The following CELA3B variants were observed in gnomAD, a reference collection of about 807,000 sequenced individuals.
CELA3B encodes the protein chymotrypsin like elastase 3B.
CELA3B carries 34 observed loss-of-function variants against 37.2 expected under a neutral mutation model. The ratio of observed to expected loss-of-function variants is 0.91; its 90% confidence interval spans 0.70 to 1.22. The LOEUF is 1.22. Ranked by LOEUF, CELA3B falls within the 50% of genes most tolerant of loss-of-function variation. CELA3B has a pLI of 0.00. For synonymous variants in CELA3B, 127 were observed against 143.5 expected, an observed-to-expected ratio of 0.89 and a Z score of 0.82; for missense variants, 340 against 363.1, an observed-to-expected ratio of 0.94 and a Z score of 0.52.
chr1:21,977,167 A>G (rs1644777363), intron 1 of CELA3B, 85 bp downstream of exon 1: 1 of 1,588,122 alleles, frequency 6.3e-7, no homozygotes, highest in South Asian at 1.1e-5. Context: ...AAGTCCCATG[A>G]CACCCTATGC....
At chr1:21,982,009 G>A (rs1569839593) in intron 4 of CELA3B, among the ~76,000 whole-genome samples, 1 of 152,124 alleles carries the variant, frequency 6.6e-6, no homozygotes, top group Non-Finnish European at 1.5e-5. Flanking sequence ...ACAGGCATGA[G>A]CCACCGCGCC....
At chr1:21,984,128 C>T in intron 5 of CELA3B, 61 bp from the exon 6 acceptor site, 1 of 1,562,962 alleles carries the variant, frequency 6.4e-7, no homozygotes, top group Non-Finnish European at 8.7e-7. Context: ...ATGCCCCCTT[C>T]CTCTGGGGCT....
intron 4 of CELA3B, among the ~76,000 whole-genome samples, chr1:21,981,728 CTTTT>C (rs68050914): frequency 2.7e-5 from 4 of 146,436 alleles, no homozygotes; most frequent in Admixed American, 6.8e-5. Flanking sequence ...ACAAAAAATT[CTTTT>C]TTTTTTTTTT....
At chr1:21,996,589 A>T (rs1334201436) in intron 4 of CELA3B, among the ~76,000 whole-genome samples, 2 of 151,278 alleles carry the variant, frequency 1.3e-5, no homozygotes, top group African/African-American at 4.9e-5. Context: ...TTACTTTCTT[A>T]ATTAACTTGC....
chr1:21,991,339 A>AT (rs1451941233), downstream of CELA3B, among the ~76,000 whole-genome samples: 12 of 139,832 alleles, frequency 8.6e-5, no homozygotes, highest in East Asian at 6.4e-4. Flanking sequence ...TGCCTGGCTT[A>AT]TTTTTTTTGT....
At chr1:21,981,661 T>C (rs537421149) in intron 4 of CELA3B, among the ~76,000 whole-genome samples, 1 of 152,152 alleles carries the variant, frequency 6.6e-6, no homozygotes, top group East Asian at 1.9e-4. Context: ...GACCATGAAG[T>C]TGGGCCTCCC....
At chr1:21,982,482 A>G (rs1293582392) in intron 4 of CELA3B, among the ~76,000 whole-genome samples, 2 of 151,866 alleles carry the variant, frequency 1.3e-5, no homozygotes, top group South Asian at 4.2e-4. Context: ...CTATAATCCC[A>G]GCTACTCTGG....
At chr1:21,993,495 A>G (rs1270199359), downstream of CELA3B, among the ~76,000 whole-genome samples, 1 of 151,064 alleles carries the variant, frequency 6.6e-6, no homozygotes, top group African/African-American at 2.5e-5. Flanking sequence ...AGAAAAGAAA[A>G]GAAATTGTAT....
intron 4 of CELA3B, among the ~76,000 whole-genome samples, chr1:21,983,144 G>A (rs1042330853): frequency 2.0e-5 from 3 of 152,144 alleles, no homozygotes; most frequent in African/African-American, 4.8e-5. Context: ...AAGGTCAGGA[G>A]TTCTAGACCA....
At position 21,983,675 on chromosome 1, in the gene CELA3B, A is replaced by T. The variant is rs936313300; in HGVS notation, c.363-19A>T. The T allele has an allele frequency of 1.9e-6, 3 of 1,611,638 alleles. No homozygotes were observed. In the African/African-American group the frequency reaches 4.0e-5, roughly 22 times the overall value. The stretch of plus-strand genomic sequence containing the variant: ...GCCGGCTGGAGGACCAGGCCCCGTG[A>T]CTGTTCCCTCCTCCCCAGCAATGAC... On this transcript the variant is annotated intron_variant, in intron 4 of 7. Transcript: ENST00000337107.
downstream of CELA3B, among the ~76,000 whole-genome samples, chr1:21,990,863 C>T (rs1351104314): frequency 1.8e-5 from 1 of 55,066 alleles, no homozygotes; most frequent in Non-Finnish European, 4.5e-5. Flanking sequence ...TGACACTGTA[C>T]TCCAGCCTGG....
intron 4 of CELA3B, among the ~76,000 whole-genome samples, chr1:21,982,256 GT>G (rs1644810019): frequency 6.6e-6 from 1 of 152,052 alleles, no homozygotes. Context: ...GAGGGCAGTG[GT>G]TCTCAAAATG....
chr1:21,985,504 T>C (rs1644831940), intron 6 of CELA3B, among the ~76,000 whole-genome samples: 1 of 151,892 alleles, frequency 6.6e-6, no homozygotes, highest in Non-Finnish European at 1.5e-5. Context: ...TCTCTAACTC[T>C]TGGGCTCAAG....
chr1:21,986,596 C>A lies in CELA3B; in HGVS notation c.708C>A (p.Thr236=). Residue 236 remains threonine, a synonymous_variant, in exon 7 of 8, where the codon ACC becomes ACA. Transcript: ENST00000337107. ...EDGGWQVHGV[T]SFVSAFGCNT... ...GTGGCTGGCAGGTCCATGGCGTGACCAGCTTTGTTTCTGCCTTTGGCTGCA... is the reference window on the plus strand; with the variant it reads ...GTGGCTGGCAGGTCCATGGCGTGACAAGCTTTGTTTCTGCCTTTGGCTGCA... 3 of 1,614,126 alleles carry A rather than the reference C, an allele frequency of 1.9e-6. No individual in the cohort carries two copies. The highest frequency in any genetic ancestry group is 2.5e-6 in the Non-Finnish European group (3 of 1,180,032).
At position 21,981,141 on chromosome 1, in the gene CELA3B, C is replaced by G; in HGVS notation, c.331C>G (p.Pro111Ala). 1 of 1,612,556 alleles carries G rather than the reference C, an allele frequency of 6.2e-7. No homozygotes were observed. Among genetic ancestry groups the G allele is most frequent in the East Asian group, 2.2e-5 (1 of 44,866 alleles). ...PINSGDLFVH[P>A]LWNRSCVACG... ...CAACTCTGGGGACCTCTTTGTGCAT[C>G]CACTCTGGAACCGCTCGTGTGTGGC... The change falls in exon 4 of 8, where the codon CCA becomes GCA. Residue 111 changes from proline (P) to alanine (A), a missense_variant. Transcript: ENST00000337107.
At chr1:21,996,397 G>A (rs145241520) in intron 4 of CELA3B, among the ~76,000 whole-genome samples, 13 of 151,060 alleles carry the variant, frequency 8.6e-5, no homozygotes, top group African/African-American at 2.9e-4. Flanking sequence ...ACCTCGGGTC[G>A]TCCTGACTGC....
At chr1:21,985,302 G>A (rs1644831128) in intron 6 of CELA3B, among the ~76,000 whole-genome samples, 1 of 142,098 alleles carries the variant, frequency 7.0e-6, no homozygotes, top group Admixed American at 7.2e-5. Context: ...TTTTGAGACA[G>A]GATCTTGCTC....
In CELA3B at chr1:21,997,391, C is replaced by CAAA. The variant is rs34063955; in HGVS notation, c.505-747_505-745dup. Among the ~76,000 whole-genome samples the CAAA allele has an allele frequency of 7.4e-4, 91 of 123,658 alleles. 3 individuals are homozygous for CAAA. The highest frequency in any genetic ancestry group is 4.8e-3 in the Middle Eastern group (1 of 208). The allele number at this position is 123,658 out of a possible 152,430, so 81.1% of individuals were successfully genotyped here. A position where few individuals can be genotyped will look rare whatever the true frequency, so the allele number is the denominator to read the frequency against. On this transcript the variant is annotated intron_variant, in intron 4 of 4. Coordinates refer to the CELA3B transcript ENST00000400277. ...AGCAAGACAAGAGCAAGACTCGTCT[C>CAAA]AAAAAAAAAAAAAAATGCTGGGCGT...
At chr1:21,989,159 C>T in intron 7 of CELA3B, 103 bp from the exon 8 acceptor site, 2 of 1,593,538 alleles carry the variant, frequency 1.3e-6, no homozygotes, top group Non-Finnish European at 1.7e-6. Context: ...CAATTCCTCT[C>T]CCAGGGTCAC....
Sources: allele counts gnomAD v4.1 joint callset (sites outside exome capture counted in the v4.1 genomes callset), GRCh38; gene constraint gnomAD v4.1.1; transcripts MANE v1.5; gene names NCBI Gene and HGNC (gene_info 2026-07-23, HGNC 2026-07-21).